Variants in TTC27 observed in about 807,000 individuals in gnomAD.
TTC27 encodes the protein tetratricopeptide repeat domain 27.
In TTC27, 79 loss-of-function variants were observed where a neutral mutation model predicts 115.9. The ratio of observed to expected loss-of-function variants is 0.68; its 90% CI spans 0.57 to 0.82. The LOEUF is 0.82. TTC27 is among the 40% of genes least tolerant of loss of function. TTC27 has a pLI of 0.00. For missense variants in TTC27, 1,054 were observed against 993.1 expected (o/e 1.06, Z -0.82); for synonymous variants, 401 against 356.0 (o/e 1.13, Z -1.42).
chr2:32,770,334 A>G (rs1462853514), intron 13 of TTC27, among the ~76,000 whole-genome samples: 2 of 152,190 alleles, frequency 1.3e-5, no homozygotes, highest in East Asian at 1.9e-4. Flanking sequence ...AGTAATTTGT[A>G]CTAGATTTTA....
At chr2:32,646,842 C>T (rs1415402617) in intron 4 of TTC27, among the ~76,000 whole-genome samples, 1 of 151,960 alleles carries the variant, frequency 6.6e-6, no homozygotes, top group Non-Finnish European at 1.5e-5. Flanking sequence ...AGATTACAGG[C>T]ATGAGCCACC....
intron 5 of TTC27, among the ~76,000 whole-genome samples, chr2:32,660,426 G>T (rs1010617074): frequency 6.6e-6 from 1 of 152,134 alleles, no homozygotes; most frequent in African/African-American, 2.4e-5. Flanking sequence ...TATAAAAAAG[G>T]ATGAGTTCAT....
At chr2:32,706,818 C>T (rs1667387171) in intron 10 of TTC27, among the ~76,000 whole-genome samples, 1 of 152,198 alleles carries the variant, frequency 6.6e-6, no homozygotes, top group African/African-American at 2.4e-5. Flanking sequence ...CCTGCCTCGA[C>T]CTCTCAAAGT....
intron 4 of TTC27, among the ~76,000 whole-genome samples, chr2:32,642,213 C>G (rs988708615): frequency 1.2e-4 from 18 of 147,836 alleles, no homozygotes; most frequent in African/African-American, 4.2e-4. Context: ...TGTGTAAGGG[C>G]TTACTTTCCT....
At chr2:32,786,909 T>C in intron 15 of TTC27, 75 bp from the exon 16 acceptor site, 1 of 1,278,454 alleles carries the variant, frequency 7.8e-7, no homozygotes, top group East Asian at 2.5e-5. Flanking sequence ...ATTAGTATTT[T>C]ATACATTTAG....
intron 8 of TTC27, among the ~76,000 whole-genome samples, 176 bp downstream of exon 8, chr2:32,672,560 T>C (rs1559199026): frequency 6.6e-6 from 1 of 152,188 alleles, no homozygotes; most frequent in Non-Finnish European, 1.5e-5. Context: ...ATATTACAAA[T>C]CTCCAATGAG....
chr2:32,653,229 T>A, intron 5 of TTC27, among the ~76,000 whole-genome samples: 1 of 152,192 alleles, frequency 6.6e-6, no homozygotes, highest in East Asian at 1.9e-4. Context: ...AAATACTTTG[T>A]CATCAAGTCC....
At chr2:32,643,568 A>C (rs1664736484) in intron 4 of TTC27, among the ~76,000 whole-genome samples, 1 of 151,802 alleles carries the variant, frequency 6.6e-6, no homozygotes, top group Non-Finnish European at 1.5e-5. Flanking sequence ...TGGCCTTCCA[A>C]AGTGCTAGGA....
At chr2:32,663,499 A>G (rs950791590) in intron 5 of TTC27, among the ~76,000 whole-genome samples, 1 of 151,992 alleles carries the variant, frequency 6.6e-6, no homozygotes, top group Non-Finnish European at 1.5e-5. Context: ...GGCTGCACCC[A>G]CTGTCTAACC....
At chr2:32,798,129 A>G (rs554409107) in intron 16 of TTC27, among the ~76,000 whole-genome samples, 53 of 151,324 alleles carry the variant, frequency 3.5e-4, no homozygotes, top group Non-Finnish European at 6.3e-4. Context: ...AAAATAGGCC[A>G]GGCGCGGTGG....
intron 5 of TTC27, among the ~76,000 whole-genome samples, chr2:32,654,562 G>T (rs565184040): frequency 6.6e-6 from 1 of 152,014 alleles, no homozygotes; most frequent in African/African-American, 2.4e-5. Flanking sequence ...GCAGGGTCTT[G>T]CTCTGTCATC....
intron 10 of TTC27, among the ~76,000 whole-genome samples, chr2:32,720,525 A>G (rs1338636402): frequency 6.6e-6 from 1 of 152,182 alleles, no homozygotes; most frequent in Non-Finnish European, 1.5e-5. Flanking sequence ...TGCCAAAGCT[A>G]ACAGGAACAG....
At chr2:32,729,104 C>G (rs1291407776) in intron 10 of TTC27, among the ~76,000 whole-genome samples, 1 of 152,150 alleles carries the variant, frequency 6.6e-6, no homozygotes, top group Non-Finnish European at 1.5e-5. Context: ...CTAATTTCTA[C>G]CTGACCCTTC....
At chr2:32,715,924 C>T (rs1222899288) in intron 10 of TTC27, among the ~76,000 whole-genome samples, 5 of 134,758 alleles carry the variant, frequency 3.7e-5, no homozygotes, top group Admixed American at 2.9e-4. Context: ...GATGTAACAC[C>T]TGGACCAGGT....
At chr2:32,656,387 G>C (rs780187763) in intron 5 of TTC27, among the ~76,000 whole-genome samples, 1 of 152,130 alleles carries the variant, frequency 6.6e-6, no homozygotes, top group Non-Finnish European at 1.5e-5. Flanking sequence ...CTTAAAGAAT[G>C]GTGGGAATTT....
chr2:32,640,730 C>A (rs542935596), intron 4 of TTC27, among the ~76,000 whole-genome samples: 1 of 152,114 alleles, frequency 6.6e-6, no homozygotes, highest in African/African-American at 2.4e-5. Flanking sequence ...CGTCTGTAAT[C>A]CCAGCACTTT....
chr2:32,748,005 G>T (rs1029997548), intron 12 of TTC27, among the ~76,000 whole-genome samples: 1 of 151,044 alleles, frequency 6.6e-6, no homozygotes, highest in African/African-American at 2.4e-5. Flanking sequence ...CTTGCTTTGG[G>T]TATAGTTTGC....
At chr2:32,639,503 G>A (rs960256116) in intron 3 of TTC27, among the ~76,000 whole-genome samples, 3 of 152,018 alleles carry the variant, frequency 2.0e-5, no homozygotes, top group Non-Finnish European at 2.9e-5. Flanking sequence ...AAATTATGGA[G>A]TAGAGACTTA....
At chr2:32,690,427 G>A (rs1666771371) in intron 9 of TTC27, among the ~76,000 whole-genome samples, 1 of 152,140 alleles carries the variant, frequency 6.6e-6, no homozygotes, top group South Asian at 2.1e-4. Context: ...TTATGAAACT[G>A]TACTTAGCAA....
Sources: allele counts gnomAD v4.1 joint callset (sites outside exome capture counted in the v4.1 genomes callset), GRCh38; gene constraint gnomAD v4.1.1; transcripts MANE v1.5; gene names NCBI Gene and HGNC (gene_info 2026-07-23, HGNC 2026-07-21).